Variants in GABPB2 observed in about 807,000 individuals in gnomAD.
GABPB2 encodes the protein GA binding protein transcription factor subunit beta 2.
GABPB2 carries 23 observed loss-of-function variants against 39.1 expected under a neutral mutation model. The observed-to-expected ratio is 0.59, with a 90% confidence interval of 0.42 to 0.83. The LOEUF (loss-of-function observed/expected upper bound fraction) is 0.83. Ranked by LOEUF, GABPB2 falls within the 40% of genes least tolerant of loss-of-function variation. GABPB2 has a pLI of 0.00. For missense variants in GABPB2, 467 were observed against 541.1 expected (o/e 0.86, Z 1.36); for synonymous variants, 184 against 199.3 (o/e 0.92, Z 0.65).
chr1:151,111,022 G>A (rs889486589), intron 7 of GABPB2, among the ~76,000 whole-genome samples: 28 of 152,054 alleles, frequency 1.8e-4, no homozygotes, highest in African/African-American at 6.8e-4. Flanking sequence ...GCTCACACCT[G>A]TAATCCCAGC....
Position 151,122,639 on chromosome 1 carries a change from A to G in GABPB2, c.*4383A>G, listed in dbSNP as rs753184355. 1 of 152,104 alleles carries G rather than the reference A, an allele frequency of 6.6e-6. No homozygotes were observed. Among genetic ancestry groups the G allele is most frequent in the Non-Finnish European group, 1.5e-5 (1 of 68,022 alleles). The allele number at this position is 152,104 out of a possible 1,614,324, so 9.4% of individuals were successfully genotyped here. On this transcript the variant is annotated 3_prime_UTR_variant, in exon 9 of 9. Coordinates refer to ENST00000368918, the MANE Select transcript of GABPB2 (RefSeq NM_144618.3). ...CACTCTCTGGGGTGGCTACTGACTA[A>G]AGGCAGAGAATGTCCATCCAACATG...
chr1:151,104,785 CTTTCTTTCTTTCTTTCT>C (rs1276442525), intron 6 of GABPB2, among the ~76,000 whole-genome samples: 11 of 55,188 alleles, frequency 2.0e-4, no homozygotes, highest in African/African-American at 5.8e-4. Context: ...CTCTTTCTTT[CTTTCTTTCTTTCTTTCT>C]TTTCTTTCTT....
At chr1:151,072,580 T>G (rs901597971) in intron 1 of GABPB2, among the ~76,000 whole-genome samples, 5 of 151,174 alleles carry the variant, frequency 3.3e-5, no homozygotes, top group African/African-American at 1.2e-4. Flanking sequence ...GCGTGGTGGC[T>G]CTGGCCTGTA....
intron 2 of GABPB2, 144 bp downstream of exon 2, chr1:151,088,441 C>T: frequency 7.4e-7 from 1 of 1,359,434 alleles, no homozygotes; most frequent in Non-Finnish European, 1.0e-6. Flanking sequence ...TTTGTCTCAT[C>T]TGAATATGTG....
intron 7 of GABPB2, among the ~76,000 whole-genome samples, chr1:151,110,736 C>T (rs1331552897): frequency 6.6e-6 from 1 of 152,152 alleles, no homozygotes; most frequent in African/African-American, 2.4e-5. Context: ...TCTAGGATTA[C>T]AGGCATGAGC....
intron 2 of GABPB2, among the ~76,000 whole-genome samples, chr1:151,088,726 C>T (rs979647314): frequency 4.6e-5 from 7 of 152,172 alleles, no homozygotes; most frequent in Non-Finnish European, 7.4e-5. Flanking sequence ...CTAGGCTGAG[C>T]GTGGTGGCTC....
At position 151,083,667 on chromosome 1, in the gene GABPB2, A is replaced by G. The variant is rs755156153; in HGVS notation, c.1-4523A>G. On this transcript the variant is annotated intron_variant, in intron 1 of 8. Transcript: ENST00000368918. Reference sequence around the variant, plus strand: ...GAAAAAAAAAAAATTATATATATATATATGTATATATACTGTCAGTTGTTC... The same window carrying G: ...GAAAAAAAAAAAATTATATATATATGTATGTATATATACTGTCAGTTGTTC... Among the ~76,000 whole-genome samples, 5 of 151,130 alleles carry G rather than the reference A, an allele frequency of 3.3e-5. No individual in the cohort carries two copies. In the South Asian group the frequency reaches 1.0e-3, roughly 31 times the overall value.
chr1:151,071,963 C>T (rs1025212801), intron 1 of GABPB2, among the ~76,000 whole-genome samples: 1 of 152,156 alleles, frequency 6.6e-6, no homozygotes, highest in Admixed American at 6.5e-5. Context: ...TCTAGGGGGT[C>T]CCCCCCAACC....
intron 6 of GABPB2, among the ~76,000 whole-genome samples, chr1:151,104,802 T>TTTCTTTCTTTCTTTC (rs10638922): frequency 0.19 from 25,762 of 139,250 alleles, 2,858 homozygotes; most frequent in Middle Eastern, 0.29. Context: ...TCTTTCTTTC[T>TTTCTTTCTTTCTTTC]TTTCTTTCTT....
chr1:151,078,366 G>A (rs757369313), intron 1 of GABPB2, among the ~76,000 whole-genome samples: 2 of 152,112 alleles, frequency 1.3e-5, no homozygotes, highest in Non-Finnish European at 2.9e-5. Context: ...GGCCAAGGCG[G>A]GCGGATCACG....
intron 7 of GABPB2, among the ~76,000 whole-genome samples, chr1:151,110,628 TTTTTTAC>T (rs1298481756): frequency 1.3e-5 from 2 of 152,072 alleles, no homozygotes; most frequent in African/African-American, 4.8e-5. Context: ...ACCCAGCTAA[TTTTTTAC>T]TTTTTCGTAG....
chr1:151,085,200 C>T (rs1489582386), intron 1 of GABPB2, among the ~76,000 whole-genome samples: 1 of 150,754 alleles, frequency 6.6e-6, no homozygotes, highest in African/African-American at 2.4e-5. Flanking sequence ...GAGTTCGAGA[C>T]CAGCCTGACC....
Position 151,123,038 on chromosome 1 carries a change from C to T in GABPB2, c.*4782C>T, listed in dbSNP as rs183295132. 4 of 152,210 alleles carry T rather than the reference C, an allele frequency of 2.6e-5. No homozygotes were observed. The highest frequency in any genetic ancestry group is 3.9e-4 in the East Asian group (2 of 5,178). 9.4% of individuals were successfully genotyped at this position (152,210 alleles called of 1,614,324 possible). A position where few individuals can be genotyped will look rare whatever the true frequency, so the allele number is the denominator to read the frequency against. Reference sequence around the variant, plus strand: ...AATATTGAATACATTAATGGCAATACCATTTCATGACTTTGCATATCTTTC... The same window carrying T: ...AATATTGAATACATTAATGGCAATATCATTTCATGACTTTGCATATCTTTC... On this transcript the variant is annotated 3_prime_UTR_variant, in exon 9 of 9. Transcript: ENST00000368918.
chr1:151,104,327 G>T (rs1679767626), intron 6 of GABPB2, among the ~76,000 whole-genome samples: 2 of 152,148 alleles, frequency 1.3e-5, no homozygotes, highest in African/African-American at 4.8e-5. Flanking sequence ...AATCTGTCTG[G>T]AACCCTCTGG....
At chr1:151,095,224 A>G (rs1039892884) in intron 4 of GABPB2, among the ~76,000 whole-genome samples, 1 of 152,264 alleles carries the variant, frequency 6.6e-6, no homozygotes, top group Non-Finnish European at 1.5e-5. Context: ...AATCAAAGAC[A>G]CAGAGGTGTG....
intron 2 of GABPB2, 143 bp downstream of exon 2, chr1:151,088,440 T>C (rs1391426857): frequency 2.9e-6 from 4 of 1,356,250 alleles, no homozygotes; most frequent in African/African-American, 2.9e-5. Context: ...CTTTGTCTCA[T>C]CTGAATATGT....
chr1:151,117,093 T>C (rs151014109), intron 7 of GABPB2, among the ~76,000 whole-genome samples: 278 of 152,304 alleles, frequency 1.8e-3, no homozygotes, highest in African/African-American at 5.9e-3. Context: ...GGGCCATGCC[T>C]TACCTGTTGA....
chr1:151,114,797 A>T (rs950778043), intron 7 of GABPB2, among the ~76,000 whole-genome samples: 1 of 152,062 alleles, frequency 6.6e-6, no homozygotes, highest in Non-Finnish European at 1.5e-5. Context: ...ATCACCTGAG[A>T]TCAGGAGTTT....
In GABPB2 at chr1:151,107,181, T is replaced by C. The variant is rs1455279750; in HGVS notation, c.881T>C (p.Ile294Thr). ...NIQTSIPTGG[I>T]GQPFIVTVQD... ...CAAACTTCAATCCCTACTGGAGGCA[T>C]TGGCCAGCCATTTATTGTAACTGTG... Residue 294 changes from isoleucine to threonine, a missense_variant, in exon 7 of 9, where the codon ATT (isoleucine) becomes ACT (threonine). Ile to Thr is a moderately conservative substitution (Grantham distance 89). Transcript: ENST00000368918. The C allele has an allele frequency of 1.2e-6, 2 of 1,604,792 alleles. No homozygotes were observed. Among genetic ancestry groups the C allele is most frequent in the African/African-American group, 2.7e-5 (2 of 74,420 alleles).
Sources: allele counts gnomAD v4.1 joint callset (sites outside exome capture counted in the v4.1 genomes callset), GRCh38; gene constraint gnomAD v4.1.1; transcripts MANE v1.5; gene names NCBI Gene and HGNC (gene_info 2026-07-23, HGNC 2026-07-21).